The following FBXL4 variants were observed in gnomAD, a reference collection of about 807,000 sequenced individuals.
FBXL4 encodes the protein F-box and leucine rich repeat protein 4, also known as F-box/LRR-repeat protein 4.
A neutral mutation model predicts 58.9 loss-of-function variants in FBXL4; 40 were observed. The ratio of observed to expected loss-of-function variants is 0.68; its 90% confidence interval spans 0.53 to 0.88. FBXL4 has a LOEUF of 0.88. Ranked by LOEUF, FBXL4 falls within the 40% of genes least tolerant of loss-of-function variation. The probability of loss-of-function intolerance (pLI) is 0.00; values close to 1 mark genes in which losing one functional copy is unlikely to be tolerated. For synonymous variants in FBXL4, 263 were observed against 265.5 expected (o/e 0.99, Z 0.09); for missense variants, 676 against 734.4 (o/e 0.92, Z 0.92).
chr6:98,869,700 G>A lies in FBXL4; in HGVS notation c.*4578C>T, dbSNP rs1008295724. ...ATGGTAGCCAAATGGAAATTTTACT[G>A]ACTCTTTGATTAGTATCATTACACT... On this transcript the variant is annotated 3_prime_UTR_variant, in exon 10 of 10. Transcript: ENST00000369244. 2.0e-5 allele frequency: 3 copies of A among 152,086 alleles called. No individual in the cohort carries two copies. Among genetic ancestry groups the A allele is most frequent in the Non-Finnish European group, 4.4e-5 (3 of 68,018 alleles). The allele number at this position is 152,086 out of a possible 1,614,324, so 9.4% of individuals were successfully genotyped here. A position where few individuals can be genotyped will look rare whatever the true frequency, so the allele number is the denominator to read the frequency against.
chr6:98,925,387 C>T (rs1240707567), intron 4 of FBXL4, among the ~76,000 whole-genome samples: 1 of 151,922 alleles, frequency 6.6e-6, no homozygotes, highest in Non-Finnish European at 1.5e-5. Flanking sequence ...TTAAATGTAA[C>T]TAAGAATAAA....
chr6:98,906,641 T>C (rs191168460), intron 5 of FBXL4, among the ~76,000 whole-genome samples: 97 of 152,320 alleles, frequency 6.4e-4, no homozygotes, highest in African/African-American at 2.1e-3. Flanking sequence ...TACATGTGCA[T>C]ATGTCCTTAT....
At chr6:98,925,610 G>A (rs972977914) in intron 4 of FBXL4, among the ~76,000 whole-genome samples, 5 of 152,074 alleles carry the variant, frequency 3.3e-5, no homozygotes, top group Admixed American at 2.0e-4. Context: ...AATAAGTTGG[G>A]GTTCATACAC....
chr6:98,946,266 T>C (rs1773616787), intron 1 of FBXL4, among the ~76,000 whole-genome samples: 1 of 152,024 alleles, frequency 6.6e-6, no homozygotes, highest in Non-Finnish European at 1.5e-5. Context: ...CAGGGAAAAA[T>C]AGAATTCCAA....
At chr6:98,928,351 A>G (rs542636617) in intron 2 of FBXL4, among the ~76,000 whole-genome samples, 1 of 151,140 alleles carries the variant, frequency 6.6e-6, no homozygotes, top group African/African-American at 2.4e-5. Flanking sequence ...TTTTCGAGAC[A>G]GGGTGTCTCT....
At chr6:98,905,250 AAC>A (rs1274640645) in intron 6 of FBXL4, among the ~76,000 whole-genome samples, 174 bp downstream of exon 6, 3 of 152,184 alleles carry the variant, frequency 2.0e-5, no homozygotes, top group African/African-American at 7.2e-5. Flanking sequence ...AGGATAGTAA[AAC>A]ACTTATTTTT....
intron 2 of FBXL4, among the ~76,000 whole-genome samples, chr6:98,928,405 T>C (rs1372622545): frequency 6.6e-6 from 1 of 152,016 alleles, no homozygotes; most frequent in Admixed American, 6.6e-5. Flanking sequence ...CTCGGCTCAC[T>C]GTAACCTCTG....
chr6:98,919,379 A>C (rs1772491799), intron 4 of FBXL4, among the ~76,000 whole-genome samples: 2 of 152,218 alleles, frequency 1.3e-5, no homozygotes. Flanking sequence ...ATGTAGGAAT[A>C]AAATCCATCA....
intron 1 of FBXL4, among the ~76,000 whole-genome samples, chr6:98,947,200 G>C (rs757748214): frequency 1.3e-5 from 2 of 152,174 alleles, no homozygotes; most frequent in African/African-American, 2.4e-5. Flanking sequence ...ATGATTACTG[G>C]GAAATCAAGG....
intron 8 of FBXL4, among the ~76,000 whole-genome samples, chr6:98,879,077 A>T (rs1688677423): frequency 1.3e-5 from 2 of 152,168 alleles, no homozygotes; most frequent in Admixed American, 1.3e-4. Flanking sequence ...TCATCAAAAG[A>T]GGCCTACTTA....
chr6:98,909,805 G>A (rs965344445), intron 5 of FBXL4, among the ~76,000 whole-genome samples: 1 of 152,006 alleles, frequency 6.6e-6, no homozygotes, highest in African/African-American at 2.4e-5. Context: ...TGTCCAATCT[G>A]TGAAGCTCCC....
intron 1 of FBXL4, among the ~76,000 whole-genome samples, chr6:98,943,916 C>A (rs1773527447): frequency 6.6e-6 from 1 of 152,138 alleles, no homozygotes; most frequent in Non-Finnish European, 1.5e-5. Flanking sequence ...AGGCTGAATT[C>A]AACCAAAATC....
At chr6:98,880,837 G>A (rs1770827135) in intron 7 of FBXL4, among the ~76,000 whole-genome samples, 1 of 152,130 alleles carries the variant, frequency 6.6e-6, no homozygotes, top group Admixed American at 6.5e-5. Context: ...TAGTCTCCAT[G>A]TAAGTAATCA....
chr6:98,895,391 ATGT>A lies in FBXL4; in HGVS notation c.1317+3874_1317+3876del, dbSNP rs2128387260. Among the ~76,000 whole-genome samples the A allele has an allele frequency of 1.3e-5, 2 of 152,342 alleles. 1 individual carries two copies. The highest frequency in any genetic ancestry group is 4.1e-4 in the South Asian group (2 of 4,830). On this transcript the variant is annotated intron_variant, in intron 7 of 9. Transcript: ENST00000369244. ...AGTCTGTATTTTATCATGGATTATA[ATGT>A]TGTATATGTTAGTTACTATGTTGTA...
chr6:98,895,400 A>G (rs1479151189), intron 7 of FBXL4, among the ~76,000 whole-genome samples: 1 of 152,230 alleles, frequency 6.6e-6, no homozygotes, highest in Non-Finnish European at 1.5e-5. Flanking sequence ...AATGTTGTAT[A>G]TGTTAGTTAC....
intron 7 of FBXL4, among the ~76,000 whole-genome samples, chr6:98,893,011 T>G (rs1476456387): frequency 6.6e-6 from 1 of 152,122 alleles, no homozygotes; most frequent in Non-Finnish European, 1.5e-5. Context: ...ACACTCCTGG[T>G]TTTCCAGTCT....
chr6:98,910,806 G>T (rs1772018195), intron 5 of FBXL4, among the ~76,000 whole-genome samples: 1 of 152,232 alleles, frequency 6.6e-6, no homozygotes, highest in Admixed American at 6.5e-5. Flanking sequence ...CATCTCACCA[G>T]GGAGTGCCAG....
chr6:98,884,614 T>C (rs1341523092), intron 7 of FBXL4, among the ~76,000 whole-genome samples: 2 of 152,198 alleles, frequency 1.3e-5, no homozygotes, highest in Admixed American at 1.3e-4. Context: ...TTGTCTCTGA[T>C]AGCTCTTGTC....
intron 5 of FBXL4, among the ~76,000 whole-genome samples, chr6:98,908,294 T>C (rs1771888984): frequency 6.6e-6 from 1 of 152,216 alleles, no homozygotes; most frequent in African/African-American, 2.4e-5. Context: ...AGAATGATAC[T>C]ATATACACCA....
Sources: gnomAD v4.1 joint callset for allele counts (sites outside exome capture counted in the v4.1 genomes callset) on GRCh38, gnomAD v4.1.1 for gene constraint, MANE v1.5 for transcripts, NCBI Gene and HGNC (gene_info 2026-07-23, HGNC 2026-07-21) for gene names.